HS2ST1: variants seen among roughly 807,000 people sequenced by gnomAD.
HS2ST1 encodes the protein 2-O-sulfotransferase.
HS2ST1 carries 18 observed loss-of-function variants against 42.9 expected under a neutral mutation model. That is an observed-to-expected ratio of 0.42 (90% CI 0.29 to 0.62). The LOEUF (loss-of-function observed/expected upper bound fraction) is 0.62. Ranked by LOEUF, HS2ST1 falls within the 20% of genes least tolerant of loss-of-function variation. The pLI, the probability that HS2ST1 is intolerant of heterozygous loss-of-function variation, is 0.21. For missense variants in HS2ST1, 334 were observed against 433.8 expected (o/e 0.77, Z 2.04); for synonymous variants, 146 against 152.9 (o/e 0.95, Z 0.33).
At chr1:87,001,736 C>G (rs1404006062) in intron 1 of HS2ST1, among the ~76,000 whole-genome samples, 2 of 152,162 alleles carry the variant, frequency 1.3e-5, no homozygotes, top group African/African-American at 4.8e-5. Context: ...CCCTCAGCCT[C>G]CCGAGTAGCT....
At chr1:87,049,621 G>C (rs1343477408) in intron 1 of HS2ST1, among the ~76,000 whole-genome samples, 1 of 151,966 alleles carries the variant, frequency 6.6e-6, no homozygotes, top group Admixed American at 6.6e-5. Context: ...TTTAGTCAGA[G>C]AATATATTTT....
intron 1 of HS2ST1, among the ~76,000 whole-genome samples, chr1:86,983,507 T>G (rs1307337951): frequency 6.6e-6 from 1 of 152,062 alleles, no homozygotes; most frequent in Non-Finnish European, 1.5e-5. Flanking sequence ...ACCCTTATGA[T>G]CCAATCACCT....
At chr1:87,092,948 T>A (rs1006709489) in intron 4 of HS2ST1, among the ~76,000 whole-genome samples, 4 of 152,110 alleles carry the variant, frequency 2.6e-5, no homozygotes, top group Admixed American at 6.6e-5. Flanking sequence ...TTATTGTAAT[T>A]ATTCACTAAT....
intron 1 of HS2ST1, among the ~76,000 whole-genome samples, chr1:86,999,652 A>G (rs1649218492): frequency 6.6e-6 from 1 of 151,564 alleles, no homozygotes; most frequent in Non-Finnish European, 1.5e-5. Flanking sequence ...CATTTTCCAT[A>G]TCCAAAAAGA....
intron 1 of HS2ST1, among the ~76,000 whole-genome samples, chr1:86,988,569 G>A (rs1002611027): frequency 6.6e-6 from 1 of 152,218 alleles, no homozygotes; most frequent in Non-Finnish European, 1.5e-5. Context: ...GAAGGAATCT[G>A]GATTCTGGTA....
chr1:87,057,860 A>C (rs1651015613), intron 1 of HS2ST1, among the ~76,000 whole-genome samples: 1 of 151,528 alleles, frequency 6.6e-6, no homozygotes, highest in African/African-American at 2.4e-5. Context: ...CAAAAAAAGA[A>C]AAAGAGAGAG....
intron 1 of HS2ST1, among the ~76,000 whole-genome samples, chr1:86,968,614 A>G (rs577371587): frequency 6.6e-6 from 1 of 152,068 alleles, no homozygotes; most frequent in African/African-American, 2.4e-5. Flanking sequence ...TATATTGCCC[A>G]GGCTGGTCTC....
At chr1:87,002,609 CA>C (rs61052257) in intron 1 of HS2ST1, among the ~76,000 whole-genome samples, 28,224 of 98,072 alleles carry the variant, frequency 0.29, 3,319 homozygotes, top group African/African-American at 0.46. Context: ...GACTTTGTCT[CA>C]AAAAAAAAAA....
At chr1:87,050,213 C>A (rs1650798084) in intron 1 of HS2ST1, among the ~76,000 whole-genome samples, 1 of 151,526 alleles carries the variant, frequency 6.6e-6, no homozygotes, top group Non-Finnish European at 1.5e-5. Flanking sequence ...TCAGCCTTTT[C>A]TATGGTGTGT....
chr1:86,922,419 T>TTG (rs150775849), intron 1 of HS2ST1, among the ~76,000 whole-genome samples: 6,151 of 147,770 alleles, frequency 0.042, 159 homozygotes, highest in African/African-American at 0.065. Context: ...GTTCTTCATT[T>TTG]TGTGTGTGTG....
rs1553135487 is a variant in HS2ST1, at chr1:86,990,812, T to TA, written c.124+75652_124+75653insA. Among the ~76,000 whole-genome samples, 7 of 10,254 alleles carry TA rather than the reference T, an allele frequency of 6.8e-4. 1 individual carries two copies. Among genetic ancestry groups the TA allele is most frequent in the East Asian group, 8.2e-3 (2 of 244 alleles). 6.7% of individuals were successfully genotyped at this position (10,254 alleles called of 152,430 possible). On this transcript the variant is annotated intron_variant, in intron 1 of 6. Transcript: ENST00000370550. ...CATATGCCACCATGCCTGGCTAATT[T>TA]TATATATATATATATATATATATAT...
chr1:86,995,429 T>A (rs976477180), intron 1 of HS2ST1, among the ~76,000 whole-genome samples: 7 of 152,184 alleles, frequency 4.6e-5, no homozygotes, highest in Admixed American at 4.6e-4. Flanking sequence ...ACCAACATTA[T>A]GTTTTATTTC....
chr1:87,103,560 T>C lies in HS2ST1; in HGVS notation c.815T>C (p.Phe272Ser). 1 of 1,611,672 alleles carries C rather than the reference T, an allele frequency of 6.2e-7. No individual in the cohort carries two copies. Among genetic ancestry groups the C allele is most frequent in the Non-Finnish European group, 8.5e-7 (1 of 1,179,030 alleles). Residue 272 changes from phenylalanine (F) to serine (S), a missense_variant, in exon 6 of 7, where the codon TTC becomes TCC. Physicochemically the swap from Phe to Ser is radical, Grantham distance 155. Coordinates refer to ENST00000370550, the MANE Select transcript of HS2ST1 (RefSeq NM_012262.4). ...MLLEAALPRFFRGATELYRTG... is the reference protein window; with the variant it reads ...MLLEAALPRFSRGATELYRTG... The stretch of plus-strand genomic sequence containing the variant: ...TTGGAGGCAGCATTGCCCCGGTTTT[T>C]CAGGGGTGCTACTGAACTCTATCGC...
chr1:87,069,121 C>A (rs1028184849), intron 1 of HS2ST1, among the ~76,000 whole-genome samples: 8 of 152,190 alleles, frequency 5.3e-5, no homozygotes, highest in Non-Finnish European at 1.0e-4. Flanking sequence ...CTTGCTGTCT[C>A]ATGGATGCCA....
intron 1 of HS2ST1, among the ~76,000 whole-genome samples, chr1:87,013,670 A>G (rs1040054414): frequency 1.3e-5 from 2 of 152,102 alleles, no homozygotes; most frequent in African/African-American, 2.4e-5. Context: ...TTTCTATTGC[A>G]TTGTCAGGCT....
rs1652412225 is a variant in HS2ST1 at position 87,109,246 on chromosome 1, T to C, written c.*4550T>C. 6.6e-6 allele frequency: 1 copy of C among 152,478 alleles called. No individual in the cohort carries two copies. The highest frequency in any genetic ancestry group is 6.6e-5 in the Admixed American group (1 of 15,262). 9.4% of individuals were successfully genotyped at this position (152,478 alleles called of 1,614,324 possible). A position where few individuals can be genotyped will look rare whatever the true frequency, so the allele number is the denominator to read the frequency against. On this transcript the variant is annotated 3_prime_UTR_variant, in exon 7 of 7. Coordinates refer to ENST00000370550, the MANE Select transcript of HS2ST1 (RefSeq NM_012262.4). The stretch of plus-strand genomic sequence containing the variant: ...TGACACTGATGGACATTTTCCAAGC[T>C]GACTCAGTGTTCAGTGTCAACTTAA...
chr1:87,017,139 C>T (rs919696241), intron 1 of HS2ST1, among the ~76,000 whole-genome samples: 5 of 152,082 alleles, frequency 3.3e-5, no homozygotes, highest in African/African-American at 1.2e-4. Context: ...CTCTCTCTCT[C>T]TCTCCTTTCT....
At chr1:87,010,739 G>T (rs1325396526) in intron 1 of HS2ST1, among the ~76,000 whole-genome samples, 1 of 151,636 alleles carries the variant, frequency 6.6e-6, no homozygotes, top group East Asian at 1.9e-4. Context: ...AGCATATAAA[G>T]ACACAAATAG....
At chr1:87,069,285 A>T (rs1478097375) in intron 1 of HS2ST1, among the ~76,000 whole-genome samples, 1 of 152,238 alleles carries the variant, frequency 6.6e-6, no homozygotes, top group East Asian at 1.9e-4. Flanking sequence ...TGAAGAAAAC[A>T]TTACGACAAA....
Sources: allele counts gnomAD v4.1 joint callset (sites outside exome capture counted in the v4.1 genomes callset), GRCh38; gene constraint gnomAD v4.1.1; transcripts MANE v1.5; gene names NCBI Gene and HGNC (gene_info 2026-07-23, HGNC 2026-07-21).